The following AKAP8 variants were observed in gnomAD, a reference collection of about 807,000 sequenced individuals.
AKAP8 encodes the protein A-kinase anchoring protein 8.
A neutral mutation model predicts 67.5 loss-of-function variants in AKAP8; 24 were observed. The observed-to-expected ratio is 0.36, with a 90% CI of 0.26 to 0.50. The LOEUF (loss-of-function observed/expected upper bound fraction) is 0.50, where lower values mean the gene tolerates loss of function less well. Among genes scored for constraint, AKAP8 ranks in the 20% least tolerant of loss-of-function variants. The probability of loss-of-function intolerance (pLI) is 0.97; values close to 1 mark genes in which losing one functional copy is unlikely to be tolerated. For synonymous variants in AKAP8, 400 were observed against 371.1 expected (o/e 1.08, Z -0.90); for missense variants, 971 against 955.9 (o/e 1.02, Z -0.21).
Position 15,353,412 on chromosome 19 carries a change from C to T in AKAP8, c.*1503G>A, listed in dbSNP as rs182070853. 14 of 69,904 alleles carry T rather than the reference C, an allele frequency of 2.0e-4. No individual in the cohort carries two copies. In the East Asian group the frequency reaches 0.017, roughly 85 times the overall value. The allele number at this position is 69,904 out of a possible 1,614,324, so 4.3% of individuals were successfully genotyped here. On this transcript the variant is annotated 3_prime_UTR_variant, in exon 14 of 14. Transcript: ENST00000269701. Reference sequence around the variant, plus strand: ...TTTCTGCACTACTGTTTAATGCTACCGACATTTTTGCCTTAAGAGAACAAG... The same window carrying T: ...TTTCTGCACTACTGTTTAATGCTACTGACATTTTTGCCTTAAGAGAACAAG...
chr19:15,373,991 C>T lies in AKAP8; in HGVS notation c.166G>A (p.Ala56Thr). Residue 56 changes from alanine (A) to threonine (T), a missense_variant, in exon 4 of 14, where the codon GCC (alanine) becomes ACC (threonine). By Grantham distance (58) the Ala-to-Thr change is moderately conservative. Coordinates refer to ENST00000269701, the MANE Select transcript of AKAP8 (RefSeq NM_005858.4). ...TTGGCCTTGGCGGCCTCCCACGAGG[C>T]TGGGCCGTAGCTGTAGGTTGCGCCT... Reference protein sequence around the residue: ...TTGATYSYGPASWEAAKANDG... With the variant: ...TTGATYSYGPTSWEAAKANDG... 1 of 1,612,926 alleles carries T rather than the reference C, an allele frequency of 6.2e-7. No individual in the cohort carries two copies. The highest frequency in any genetic ancestry group is 8.5e-7 in the Non-Finnish European group (1 of 1,179,586).
rs138174418 is a variant in AKAP8 at position 15,368,317 on chromosome 19, T to C, written c.1078A>G (p.Lys360Glu). ...TTCACATCCTCGTCCTCGTCCTCCT[T>C]CTCTCCTGTAACAGACAAGTCCCTT... is the stretch of plus-strand genomic sequence containing the variant. Reference protein sequence around the residue: ...LCDSGRQRGEKEDEDEDVKKR... With the variant: ...LCDSGRQRGEEEDEDEDVKKR... The change falls in exon 9 of 14, where the codon AAG (lysine) becomes GAG (glutamate). Residue 360 changes from lysine to glutamate, a missense_variant. Lys to Glu is a moderately conservative substitution (Grantham distance 56, BLOSUM62 1). Around this residue, in one of 3 missense-constraint regions of AKAP8, gnomAD observed 763 missense variants for 745.4 expected, o/e 1.02. Coordinates refer to ENST00000269701, the MANE Select transcript of AKAP8 (RefSeq NM_005858.4). 45 of 1,613,648 alleles carry C rather than the reference T, an allele frequency of 2.8e-5. No individual in the cohort carries two copies. Among genetic ancestry groups the C allele is most frequent in the African/African-American group, 1.6e-4 (12 of 75,042 alleles).
chr19:15,361,031 T>C (rs992508322), intron 11 of AKAP8, 53 bp from the exon 12 acceptor site: 4 of 1,590,296 alleles, frequency 2.5e-6, no homozygotes, highest in Non-Finnish European at 3.4e-6. Flanking sequence ...GATGCTTTCC[T>C]CCTACTCCCC....
chr19:15,362,768 C>T (rs2145066987), intron 9 of AKAP8, among the ~76,000 whole-genome samples: 1 of 152,202 alleles, frequency 6.6e-6, no homozygotes, highest in Admixed American at 6.5e-5. Flanking sequence ...GCAGCCTCTG[C>T]CCGGCCGCCA....
chr19:15,364,353 A>G (rs987515004), intron 9 of AKAP8, among the ~76,000 whole-genome samples: 1 of 146,322 alleles, frequency 6.8e-6, no homozygotes, highest in African/African-American at 2.6e-5. Flanking sequence ...ATTTTATTTT[A>G]TTTATTTATT....
intron 1 of AKAP8, among the ~76,000 whole-genome samples, chr19:15,378,560 A>G (rs1256553658): frequency 6.6e-6 from 1 of 152,220 alleles, no homozygotes; most frequent in Non-Finnish European, 1.5e-5. Flanking sequence ...AGACCAGGAG[A>G]GCCAGGCTGA....
Position 15,359,024 on chromosome 19 carries a change from C to T in AKAP8, c.1566G>A (p.Val522=). The T allele has an allele frequency of 6.2e-7, 1 of 1,614,192 alleles. No individual in the cohort carries two copies. The highest frequency in any genetic ancestry group is 8.5e-7 in the Non-Finnish European group (1 of 1,180,040). The change falls in exon 13 of 14, where the codon GTG becomes GTA. Residue 522 remains valine (V), a synonymous_variant. Transcript: ENST00000269701. Reference sequence around the variant, plus strand: ...GTCTGTTGTTCAAAACACTCTTAGCCACATGGAGACTGGTTTTCTTGAACT... The same window carrying T: ...GTCTGTTGTTCAAAACACTCTTAGCTACATGGAGACTGGTTTTCTTGAACT... ...AEQFKKTSLH[V]AKSVLNNRHI...
intron 2 of AKAP8, 127 bp downstream of exon 2, chr19:15,376,849 G>T: frequency 9.5e-7 from 1 of 1,056,240 alleles, no homozygotes; most frequent in Non-Finnish European, 1.4e-6. Context: ...TTCACTATCT[G>T]ATCTTTTACA....
At position 15,379,712 on chromosome 19, in the gene AKAP8, C is replaced by T; in HGVS notation, c.19+1G>A. On this transcript the variant is annotated splice_donor_variant, in intron 1 of 13. Coordinates refer to ENST00000269701, the MANE Select transcript of AKAP8 (RefSeq NM_005858.4). LOFTEE classifies it high-confidence loss of function. Reference sequence around the variant, plus strand: ...CTCCGCACCCAGCAGCCAACACAAACCTCCGTAGCCCTGGTCCATGTCTTC... The same window carrying T: ...CTCCGCACCCAGCAGCCAACACAAATCTCCGTAGCCCTGGTCCATGTCTTC... 1.2e-6 allele frequency: 2 copies of T among 1,610,406 alleles called. No individual in the cohort carries two copies. Among genetic ancestry groups the T allele is most frequent in the Non-Finnish European group, 1.7e-6 (2 of 1,178,626 alleles).
chr19:15,360,881 G>A lies in AKAP8; in HGVS notation c.1494C>T (p.His498=), dbSNP rs1568423826. The A allele has an allele frequency of 1.9e-6, 3 of 1,613,488 alleles. No individual in the cohort carries two copies. Among genetic ancestry groups the A allele is most frequent in the Non-Finnish European group, 2.5e-6 (3 of 1,179,858 alleles). Residue 498 remains histidine (H), a synonymous_variant, in exon 12 of 14, where the codon CAC becomes CAT. Transcript: ENST00000269701. ...TGTGATTGTGGTCCACGGAGTGCAG[G>A]TGCCGCTGGAGGAGCTGCGGCTGTG... ...IPAQPQLLQR[H]LHSVDHNHNR...
rs931005765 is a variant in AKAP8, at chr19:15,358,898, C to A, written c.1623+69G>T. ...GCTAAATGCTGCACTCTGGATTCAA[C>A]TCCCTGCTCCTGGGGTTCATCTTCC... On this transcript the variant is annotated intron_variant, in intron 13 of 13. Coordinates refer to ENST00000269701, the MANE Select transcript of AKAP8 (RefSeq NM_005858.4). 2.2e-5 allele frequency: 31 copies of A among 1,429,702 alleles called. No homozygotes were observed. In the East Asian group the frequency reaches 5.0e-4, roughly 23 times the overall value. 88.6% of individuals were successfully genotyped at this position (1,429,702 alleles called of 1,614,324 possible).
intron 5 of AKAP8, 127 bp from the exon 6 acceptor site, chr19:15,372,474 C>G: frequency 7.5e-7 from 1 of 1,326,368 alleles, no homozygotes; most frequent in Non-Finnish European, 1.0e-6. Context: ...AGCAAAGAGA[C>G]AACATAATTT....
At chr19:15,356,370 A>T (rs1476740149) in intron 13 of AKAP8, among the ~76,000 whole-genome samples, 1 of 152,058 alleles carries the variant, frequency 6.6e-6, no homozygotes, top group Non-Finnish European at 1.5e-5. Context: ...ACGCCACTGA[A>T]CTCCAGCCTG....
At chr19:15,375,269 A>C (rs1229811562) in intron 2 of AKAP8, among the ~76,000 whole-genome samples, 10 of 152,160 alleles carry the variant, frequency 6.6e-5, no homozygotes, top group Admixed American at 6.5e-4. Flanking sequence ...GCCTAGCATC[A>C]TGGCCCTGAC....
At chr19:15,358,271 C>T (rs1050470277) in intron 13 of AKAP8, among the ~76,000 whole-genome samples, 11 of 152,130 alleles carry the variant, frequency 7.2e-5, no homozygotes, top group African/African-American at 2.7e-4. Context: ...CTTCACTACC[C>T]CTCACCTTCA....
At chr19:15,367,345 C>G (rs949714610) in intron 9 of AKAP8, among the ~76,000 whole-genome samples, 7 of 152,056 alleles carry the variant, frequency 4.6e-5, no homozygotes, top group Non-Finnish European at 8.8e-5. Context: ...CTTGCCAACA[C>G]GGTGAATCCC....
rs778915734 is a variant in AKAP8 at position 15,372,322 on chromosome 19, A to C, written c.887T>G (p.Phe296Cys). Residue 296 changes from phenylalanine to cysteine, a missense_variant, in exon 6 of 14, where the codon TTC (phenylalanine) becomes TGC (cysteine). Phe to Cys is a radical substitution (Grantham distance 205, BLOSUM62 -2). Transcript: ENST00000269701. ...TTTCCTGCCCGTGCCATCTGGTCCG[A>C]AGCGGTCAAACCCTCTCCTCTTGGG... ...DRPKRRGFDR[F>C]GPDGTGRKRK... 9 of 1,614,064 alleles carry C rather than the reference A, an allele frequency of 5.6e-6. No homozygotes were observed. Among genetic ancestry groups the C allele is most frequent in the African/African-American group, 5.3e-5 (4 of 74,910 alleles).
intron 9 of AKAP8, among the ~76,000 whole-genome samples, chr19:15,362,899 A>G (rs1478330628): frequency 1.4e-5 from 2 of 138,946 alleles, no homozygotes; most frequent in Non-Finnish European, 3.1e-5. Context: ...CCGCCATCCC[A>G]TCTAGGAAGT....
At chr19:15,364,158 C>CTTT (rs34132091) in intron 9 of AKAP8, among the ~76,000 whole-genome samples, 14 of 42,556 alleles carry the variant, frequency 3.3e-4, no homozygotes, top group Admixed American at 2.6e-3. Flanking sequence ...TTTTTCTTTC[C>CTTT]TTTTTTTTTT....
Sources: gnomAD v4.1 joint callset for allele counts (sites outside exome capture counted in the v4.1 genomes callset) on GRCh38, gnomAD v4.1.1 for gene constraint, gnomAD v4.1.1 regional missense constraint, MANE v1.5 for transcripts, NCBI Gene and HGNC (gene_info 2026-07-23, HGNC 2026-07-21) for gene names.